The following COPA variants were observed in gnomAD, a reference collection of about 807,000 sequenced individuals.
COPA encodes coatomer subunit alpha.
COPA carries 10 observed loss-of-function variants against 158.7 expected under a neutral mutation model. The observed-to-expected ratio is 0.06, with a 90% CI of 0.04 to 0.11. COPA has a LOEUF of 0.11. Ranked by LOEUF, COPA falls within the 10% of genes least tolerant of loss-of-function variation. COPA has a pLI of 1.00. For missense variants in COPA, 1,065 were observed against 1,536.7 expected, an observed-to-expected ratio of 0.69 and a Z score of 5.13; for synonymous variants, 462 against 542.8, an observed-to-expected ratio of 0.85 and a Z score of 2.07.
intron 6 of COPA, among the ~76,000 whole-genome samples, chr1:160,327,640 C>T (rs1054350301): frequency 6.6e-6 from 1 of 152,130 alleles, no homozygotes; most frequent in Non-Finnish European, 1.5e-5. Context: ...GGTGGAACAA[C>T]TGAGGTCAGG....
At chr1:160,334,607 T>G (rs1557875824) in intron 4 of COPA, among the ~76,000 whole-genome samples, 2 of 152,216 alleles carry the variant, frequency 1.3e-5, no homozygotes, top group South Asian at 4.1e-4. Flanking sequence ...CTTTCTAACT[T>G]AATTAAAGAG....
At chr1:160,302,169 A>AG (rs144201215) in intron 17 of COPA, among the ~76,000 whole-genome samples, 2,122 of 152,302 alleles carry the variant, frequency 0.014, 47 homozygotes, top group African/African-American at 0.042. Context: ...ATAAGAGTCT[A>AG]GCAAGATTCC....
intron 8 of COPA, among the ~76,000 whole-genome samples, chr1:160,316,693 T>G (rs1659152648): frequency 6.6e-6 from 1 of 150,760 alleles, no homozygotes; most frequent in African/African-American, 2.4e-5. Context: ...GAGGTCATGG[T>G]GAGCTGAGAT....
intron 28 of COPA, 93 bp from the exon 29 acceptor site, chr1:160,292,291 C>T: frequency 6.4e-7 from 1 of 1,554,050 alleles, no homozygotes; most frequent in South Asian, 1.2e-5. Flanking sequence ...AGCTACCCTC[C>T]TGTCTCCTGT....
chr1:160,293,108 C>A lies in COPA; in HGVS notation c.2823+58G>T. ...ATTTCCCTTGATTAAAATGAGTCAA[C>A]CATCTCCCGGGGACCCTGGGCTAGG... On this transcript the variant is annotated intron_variant, in intron 27 of 32. Coordinates refer to ENST00000241704, the MANE Select transcript of COPA (RefSeq NM_004371.4). 3.3e-6 allele frequency: 5 copies of A among 1,527,456 alleles called. No individual in the cohort carries two copies. In the South Asian group the frequency reaches 5.7e-5, roughly 18 times the overall value. The allele number at this position is 1,527,456 out of a possible 1,614,324, so 94.6% of individuals were successfully genotyped here. A position where few individuals can be genotyped will look rare whatever the true frequency, so the allele number is the denominator to read the frequency against.
chr1:160,310,255 A>G lies in COPA; in HGVS notation c.1080T>C (p.Gly360=). The change falls in exon 12 of 33, where the codon GGT becomes GGC. Residue 360 remains glycine (G), a synonymous_variant. Transcript: ENST00000241704. ...ACATATTGAATACTGGAAACTTGGA[A>G]CCACTAGAGATATATATAGAAAAAG... ...KDVAVMQLRS[G]SKFPVFNMSY... The G allele has an allele frequency of 6.3e-7, 1 of 1,593,540 alleles. No homozygotes were observed. Among genetic ancestry groups the G allele is most frequent in the Non-Finnish European group, 8.6e-7 (1 of 1,167,300 alleles).
chr1:160,338,118 TTTC>T (rs1184062962), intron 3 of COPA, among the ~76,000 whole-genome samples: 2 of 152,228 alleles, frequency 1.3e-5, no homozygotes, highest in Non-Finnish European at 2.9e-5. Context: ...GGGAAAACTT[TTTC>T]TTAATTAACA....
chr1:160,320,306 A>T (rs899175190), intron 8 of COPA, among the ~76,000 whole-genome samples: 25 of 152,088 alleles, frequency 1.6e-4, no homozygotes, highest in African/African-American at 5.3e-4. Flanking sequence ...GACACATACA[A>T]CCTACAAAGA....
intron 8 of COPA, chr1:160,317,584 T>C (rs879101280): frequency 2.5e-6 from 4 of 1,589,060 alleles, no homozygotes; most frequent in African/African-American, 1.3e-5. Context: ...AATGAATTCA[T>C]TCAGGTTTCT....
rs909114780 is a variant in COPA at position 160,294,467 on chromosome 1, G to C, written c.2676+17C>G. ...GAGATACGGAGAGAACCTTCTAAGG[G>C]TACAAATTCCACATACCAGCTCAGG... On this transcript the variant is annotated intron_variant, in intron 25 of 32. Coordinates refer to ENST00000241704, the MANE Select transcript of COPA (RefSeq NM_004371.4). 6.2e-7 allele frequency: 1 copy of C among 1,607,874 alleles called. No individual in the cohort carries two copies. The highest frequency in any genetic ancestry group is 8.5e-7 in the Non-Finnish European group (1 of 1,174,440).
intron 17 of COPA, among the ~76,000 whole-genome samples, chr1:160,301,513 C>T (rs1658601323): frequency 6.6e-6 from 1 of 152,146 alleles, no homozygotes; most frequent in African/African-American, 2.4e-5. Flanking sequence ...TGGCTCATGC[C>T]TGTAATCTCA....
At chr1:160,336,919 T>TA (rs11412489) in intron 3 of COPA, among the ~76,000 whole-genome samples, 65,077 of 151,938 alleles carry the variant, frequency 0.43, 14,890 homozygotes, top group South Asian at 0.61. Flanking sequence ...ACTATACCCT[T>TA]ACCACCTAAC....
chr1:160,337,462 G>A (rs1491003915), intron 3 of COPA, among the ~76,000 whole-genome samples: 3 of 152,238 alleles, frequency 2.0e-5, no homozygotes, highest in Non-Finnish European at 4.4e-5. Context: ...GCTCACGCCT[G>A]TAATCCCAGC....
intron 9 of COPA, 136 bp downstream of exon 9, chr1:160,313,854 G>A: frequency 1.3e-6 from 1 of 743,194 alleles, no homozygotes. Flanking sequence ...TGATCTCTAG[G>A]TCTCTTCAAA....
At chr1:160,297,241 CA>C (rs1459454053) in intron 21 of COPA, 101 bp downstream of exon 21, 38 of 1,048,474 alleles carry the variant, frequency 3.6e-5, no homozygotes, top group Non-Finnish European at 5.3e-5. Context: ...AAAAAATGCA[CA>C]ATAAAGAGAA....
intron 7 of COPA, 122 bp from the exon 8 acceptor site, chr1:160,323,652 A>G: frequency 1.7e-6 from 1 of 586,334 alleles, no homozygotes; most frequent in Non-Finnish European, 2.6e-6. Context: ...CAGATTCAAG[A>G]GACTACGCTG....
intron 3 of COPA, among the ~76,000 whole-genome samples, chr1:160,335,584 A>C (rs1647717886): frequency 6.6e-6 from 1 of 152,068 alleles, no homozygotes; most frequent in South Asian, 2.1e-4. Context: ...CTAAAGATAA[A>C]ATTATTGAAG....
At chr1:160,341,989 T>A (rs776401058) in intron 1 of COPA, among the ~76,000 whole-genome samples, 3 of 152,228 alleles carry the variant, frequency 2.0e-5, no homozygotes, top group Non-Finnish European at 4.4e-5. Flanking sequence ...TCAGAAATTC[T>A]TAATGGTACC....
chr1:160,322,079 A>G (rs976320125), intron 8 of COPA, among the ~76,000 whole-genome samples: 5 of 152,200 alleles, frequency 3.3e-5, no homozygotes, highest in Non-Finnish European at 7.3e-5. Flanking sequence ...TCAAAATATC[A>G]AAGACATTCT....
Sources: gnomAD v4.1 joint callset for allele counts (sites outside exome capture counted in the v4.1 genomes callset) on GRCh38, gnomAD v4.1.1 for gene constraint, MANE v1.5 for transcripts, NCBI Gene and HGNC (gene_info 2026-07-23, HGNC 2026-07-21) for gene names.